The following CACNA2D1 variants were observed in gnomAD, a reference collection of about 807,000 sequenced individuals.
CACNA2D1 encodes the protein voltage-dependent calcium channel subunit alpha-2/delta-1.
In CACNA2D1, 53 loss-of-function variants were observed where a neutral mutation model predicts 171.5. That is an observed-to-expected ratio of 0.31 (90% CI 0.25 to 0.39). CACNA2D1 has a LOEUF of 0.39. CACNA2D1 is among the 10% of genes least tolerant of loss of function. CACNA2D1 has a pLI of 1.00. For missense variants in CACNA2D1, 903 were observed against 1,299.8 expected (o/e 0.69, Z 4.69); for synonymous variants, 442 against 443.1 (o/e 1.00, Z 0.03).
At position 82,226,725 on chromosome 7, in the gene CACNA2D1, T is replaced by G. The variant is rs139463895; in HGVS notation, c.295-56116A>C. Among the ~76,000 whole-genome samples, 477 of 152,324 alleles carry G rather than the reference T, an allele frequency of 3.1e-3. 6 individuals are homozygous for G. The highest frequency in any genetic ancestry group is 0.011 in the South Asian group (54 of 4,828). On this transcript the variant is annotated intron_variant, in intron 3 of 38. Coordinates refer to ENST00000356860, the MANE Select transcript of CACNA2D1 (RefSeq NM_000722.4). The stretch of plus-strand genomic sequence containing the variant: ...ATACTATGAGATCAGAAGAGATTGA[T>G]CCTATAATATTAGACCTAGAAAGTA...
intron 3 of CACNA2D1, among the ~76,000 whole-genome samples, chr7:82,277,931 A>T (rs1809572876): frequency 6.6e-6 from 1 of 151,792 alleles, no homozygotes; most frequent in African/African-American, 2.4e-5. Context: ...TTTTTAGTAC[A>T]GAGAGGGTTT....
At chr7:82,179,032 T>G (rs919301286) in intron 3 of CACNA2D1, among the ~76,000 whole-genome samples, 1 of 151,904 alleles carries the variant, frequency 6.6e-6, no homozygotes, top group Non-Finnish European at 1.5e-5. Flanking sequence ...TTTGACATTC[T>G]GTGACTTTCT....
intron 3 of CACNA2D1, among the ~76,000 whole-genome samples, chr7:82,315,408 A>G (rs1814997783): frequency 6.6e-6 from 1 of 152,208 alleles, no homozygotes; most frequent in Non-Finnish European, 1.5e-5. Context: ...AAGCAACAGC[A>G]GCAATTTTCT....
intron 1 of CACNA2D1, among the ~76,000 whole-genome samples, chr7:82,383,573 C>T (rs1267581835): frequency 6.6e-6 from 1 of 152,090 alleles, no homozygotes; most frequent in Non-Finnish European, 1.5e-5. Flanking sequence ...TTCATACATA[C>T]AAAATGAAAT....
At chr7:82,025,794 G>A (rs1269896953) in intron 12 of CACNA2D1, among the ~76,000 whole-genome samples, 2 of 151,658 alleles carry the variant, frequency 1.3e-5, no homozygotes, top group Non-Finnish European at 3.0e-5. Flanking sequence ...ATCTGTTTAA[G>A]TCTATTTGGT....
At chr7:82,300,145 C>A (rs905248530) in intron 3 of CACNA2D1, among the ~76,000 whole-genome samples, 1 of 151,896 alleles carries the variant, frequency 6.6e-6, no homozygotes. Flanking sequence ...GATCTTCACA[C>A]TGAGACCTAA....
chr7:81,984,526 C>A (rs891320917), intron 22 of CACNA2D1, 109 bp downstream of exon 22: 21 of 712,784 alleles, frequency 2.9e-5, no homozygotes, highest in Middle Eastern at 2.3e-4. Context: ...GGTAATAACA[C>A]CTACTAAAAT....
chr7:82,389,144 A>T (rs980436233), intron 1 of CACNA2D1, among the ~76,000 whole-genome samples: 22 of 135,256 alleles, frequency 1.6e-4, no homozygotes, highest in African/African-American at 6.1e-4. Flanking sequence ...ATATATATAT[A>T]TATTTATATA....
intron 6 of CACNA2D1, among the ~76,000 whole-genome samples, chr7:82,111,438 A>ATATATT (rs1788424807): frequency 1.0e-5 from 1 of 100,472 alleles, no homozygotes; most frequent in Non-Finnish European, 2.0e-5. Flanking sequence ...GTATATATAT[A>ATATATT]TATATATTTT....
intron 3 of CACNA2D1, among the ~76,000 whole-genome samples, chr7:82,285,252 A>C (rs1290264354): frequency 6.6e-6 from 1 of 151,948 alleles, no homozygotes; most frequent in Non-Finnish European, 1.5e-5. Flanking sequence ...ATTCCTGTTC[A>C]AGGGCTGCCC....
rs984881894 is a variant in CACNA2D1, at chr7:81,948,258, C to CAA, written c.*2132_*2133dup. 1.3e-5 allele frequency: 2 copies of CAA among 151,728 alleles called. No individual in the cohort carries two copies. Among genetic ancestry groups the CAA allele is most frequent in the Non-Finnish European group, 3.0e-5 (2 of 67,768 alleles). 9.4% of individuals were successfully genotyped at this position (151,728 alleles called of 1,614,324 possible). ...TGAACAATAACTTTTAAATATTTAACAAACAACATGATTAAAACATTGTTA... is the reference window on the plus strand; with the variant it reads ...TGAACAATAACTTTTAAATATTTAACAAAAACAACATGATTAAAACATTGTTA... On this transcript the variant is annotated 3_prime_UTR_variant, in exon 39 of 39. Transcript: ENST00000356860.
In CACNA2D1 at chr7:81,962,035, G is replaced by GA; in HGVS notation, c.2837-13_2837-12insT. 1.9e-6 allele frequency: 3 copies of GA among 1,612,020 alleles called. No individual in the cohort carries two copies. The South Asian group carries it at 3.3e-5, about 18-fold the overall frequency. ...ATCCTCCATCTCAACTTGGGTGGCG[G>GA]GGGACGGTGTAAAAACAAAGAACAC... On this transcript the variant is annotated splice_polypyrimidine_tract_variant and intron_variant, in intron 35 of 38. Coordinates refer to ENST00000356860, the MANE Select transcript of CACNA2D1 (RefSeq NM_000722.4).
chr7:82,072,138 T>C (rs986786962), intron 7 of CACNA2D1, among the ~76,000 whole-genome samples: 6 of 152,146 alleles, frequency 3.9e-5, no homozygotes, highest in Admixed American at 3.3e-4. Flanking sequence ...TTCTCAATCA[T>C]GCCAACATGG....
At chr7:82,276,465 G>A (rs1404001556) in intron 3 of CACNA2D1, among the ~76,000 whole-genome samples, 1 of 152,142 alleles carries the variant, frequency 6.6e-6, no homozygotes, top group Non-Finnish European at 1.5e-5. Flanking sequence ...GCAATAGCCA[G>A]TTTGTTTTAG....
At chr7:82,134,972 C>A (rs532573512) in intron 5 of CACNA2D1, among the ~76,000 whole-genome samples, 17 of 152,106 alleles carry the variant, frequency 1.1e-4, no homozygotes, top group African/African-American at 4.1e-4. Flanking sequence ...TTGTTAAAAT[C>A]TTGAACAAAA....
At chr7:81,989,854 G>C (rs1442373270) in intron 21 of CACNA2D1, among the ~76,000 whole-genome samples, 1 of 152,172 alleles carries the variant, frequency 6.6e-6, no homozygotes, top group East Asian at 1.9e-4. Flanking sequence ...AGGGCACAAG[G>C]ACACAAAGAG....
At chr7:82,434,831 T>G (rs1030384649) in intron 1 of CACNA2D1, among the ~76,000 whole-genome samples, 3 of 152,100 alleles carry the variant, frequency 2.0e-5, no homozygotes, top group African/African-American at 4.8e-5. Context: ...CTTTCATCAG[T>G]GGCCTGATGA....
At chr7:82,060,587 A>C in intron 9 of CACNA2D1, 60 bp from the exon 10 acceptor site, 1 of 964,608 alleles carries the variant, frequency 1.0e-6, no homozygotes, top group Non-Finnish European at 1.7e-6. Context: ...CAAGAACATC[A>C]TAAGGAAAGA....
Position 81,991,167 on chromosome 7 carries a change from TA to T in CACNA2D1, c.1796+17del. 8.1e-7 allele frequency: 1 copy of T among 1,237,300 alleles called. No homozygotes were observed. The highest frequency in any genetic ancestry group is 1.2e-6 in the Non-Finnish European group (1 of 836,500). 76.6% of individuals were successfully genotyped at this position (1,237,300 alleles called of 1,614,324 possible). A position where few individuals can be genotyped will look rare whatever the true frequency, so the allele number is the denominator to read the frequency against. ...AATCCATTGGAATACACAATACACA[TA>T]AAATACAGTTAATTACCTGTAATCT... On this transcript the variant is annotated intron_variant, in intron 21 of 38. Transcript: ENST00000356860.
Sources: gnomAD v4.1 joint callset for allele counts (sites outside exome capture counted in the v4.1 genomes callset) on GRCh38, gnomAD v4.1.1 for gene constraint, MANE v1.5 for transcripts, NCBI Gene and HGNC (gene_info 2026-07-23, HGNC 2026-07-21) for gene names.